The following ZNF385B variants were observed in gnomAD, a reference collection of about 807,000 sequenced individuals.
ZNF385B encodes zinc finger protein 533.
ZNF385B carries 23 observed loss-of-function variants against 39.2 expected under a neutral mutation model. The observed-to-expected ratio is 0.59, with a 90% CI of 0.42 to 0.83. The LOEUF (loss-of-function observed/expected upper bound fraction) is 0.83, where lower values mean the gene tolerates loss of function less well. Ranked by LOEUF, ZNF385B falls within the 40% of genes least tolerant of loss-of-function variation. The probability of loss-of-function intolerance (pLI) is 0.00; values close to 1 mark genes in which losing one functional copy is unlikely to be tolerated. For synonymous variants in ZNF385B, 205 were observed against 222.6 expected (o/e 0.92, Z 0.70); for missense variants, 552 against 598.9 (o/e 0.92, Z 0.82).
intron 1 of ZNF385B, among the ~76,000 whole-genome samples, chr2:179,778,512 A>G (rs1157993749): frequency 1.3e-5 from 2 of 152,206 alleles, no homozygotes; most frequent in Non-Finnish European, 2.9e-5. Flanking sequence ...GGATTCCTAC[A>G]AGACAGACCC....
chr2:179,849,359 C>T (rs1708962562), intron 1 of ZNF385B, among the ~76,000 whole-genome samples: 1 of 152,188 alleles, frequency 6.6e-6, no homozygotes, highest in East Asian at 1.9e-4. Context: ...AGGACTAGTT[C>T]CAGGTCACAC....
intron 1 of ZNF385B, among the ~76,000 whole-genome samples, chr2:179,777,783 T>A (rs79954581): frequency 1.3e-5 from 2 of 151,730 alleles, no homozygotes; most frequent in Non-Finnish European, 2.9e-5. Flanking sequence ...TTTTTTTTTT[T>A]TCTTTTTGGG....
At chr2:179,639,063 T>C (rs1692017419) in intron 3 of ZNF385B, among the ~76,000 whole-genome samples, 1 of 151,468 alleles carries the variant, frequency 6.6e-6, no homozygotes, top group African/African-American at 2.4e-5. Context: ...CTACAAAAAA[T>C]ACAAAAAATT....
chr2:179,704,878 C>T (rs187486641), intron 3 of ZNF385B, among the ~76,000 whole-genome samples: 1 of 152,224 alleles, frequency 6.6e-6, no homozygotes, highest in East Asian at 1.9e-4. Flanking sequence ...CAGACTATTC[C>T]TCTGTGCCCA....
intron 7 of ZNF385B, among the ~76,000 whole-genome samples, chr2:179,446,277 TG>T (rs2049463063): frequency 6.6e-6 from 1 of 152,180 alleles, no homozygotes; most frequent in Admixed American, 6.5e-5. Context: ...TTCATCAAAA[TG>T]AGTTTTGGAC....
chr2:179,678,234 C>A (rs1697125413), intron 3 of ZNF385B, among the ~76,000 whole-genome samples: 1 of 152,198 alleles, frequency 6.6e-6, no homozygotes, highest in Admixed American at 6.5e-5. Flanking sequence ...TTCCTCACAC[C>A]TACGCTCCTG....
chr2:179,621,726 G>A (rs967124569), intron 3 of ZNF385B, among the ~76,000 whole-genome samples: 4 of 152,046 alleles, frequency 2.6e-5, no homozygotes, highest in East Asian at 3.9e-4. Context: ...CTCCTCAGTC[G>A]CCCCTTTGGG....
At chr2:179,576,117 T>C (rs115028690) in intron 3 of ZNF385B, 2 of 985,070 alleles carry the variant, frequency 2.0e-6, no homozygotes, top group Admixed American at 6.2e-5. Context: ...AGGTCTTACA[T>C]GTGTAACCCT....
chr2:179,802,394 C>T (rs916937878), intron 1 of ZNF385B: 13 of 152,098 alleles, frequency 8.5e-5, no homozygotes, highest in African/African-American at 3.1e-4. Context: ...TTCCTTCCCC[C>T]TCTCAAATTC....
intron 1 of ZNF385B, among the ~76,000 whole-genome samples, chr2:179,779,597 C>T (rs1308377111): frequency 6.6e-6 from 1 of 152,204 alleles, no homozygotes; most frequent in Non-Finnish European, 1.5e-5. Context: ...TACAATTTTC[C>T]AGGCAAGAGA....
At position 179,828,371 on chromosome 2, in the gene ZNF385B, C is replaced by G. The variant is rs1325156309; in HGVS notation, c.-155+32730G>C. On this transcript the variant is annotated intron_variant, in intron 1 of 9. Transcript: ENST00000410066. Reference sequence around the variant, plus strand: ...ATCCAAATGCTAATCATTAAATTGCCCATTAATTCCTTCACCATGAGCCCA... The same window carrying G: ...ATCCAAATGCTAATCATTAAATTGCGCATTAATTCCTTCACCATGAGCCCA... Among the ~76,000 whole-genome samples, 3 of 152,098 alleles carry G rather than the reference C, an allele frequency of 2.0e-5. No homozygotes were observed. In the East Asian group the frequency reaches 5.8e-4, roughly 29 times the overall value.
intron 3 of ZNF385B, among the ~76,000 whole-genome samples, chr2:179,572,659 C>A (rs1685359679): frequency 6.6e-6 from 1 of 152,208 alleles, no homozygotes; most frequent in South Asian, 2.1e-4. Context: ...AAGGGCCTAT[C>A]ATGGAGAAAG....
At chr2:179,591,440 G>T (rs1211263707) in intron 3 of ZNF385B, among the ~76,000 whole-genome samples, 1 of 152,116 alleles carries the variant, frequency 6.6e-6, no homozygotes, top group Non-Finnish European at 1.5e-5. Context: ...CAGTATTACA[G>T]AACCCAGTGG....
chr2:179,855,769 G>A (rs574251682), intron 1 of ZNF385B, among the ~76,000 whole-genome samples: 2 of 152,298 alleles, frequency 1.3e-5, no homozygotes, highest in Admixed American at 1.3e-4. Context: ...TATGATTATG[G>A]TGATAAACAG....
intron 3 of ZNF385B, among the ~76,000 whole-genome samples, chr2:179,752,022 G>A (rs898456830): frequency 6.6e-6 from 1 of 151,984 alleles, no homozygotes; most frequent in Non-Finnish European, 1.5e-5. Flanking sequence ...TGCCATGTTC[G>A]TGTGCTGCAC....
intron 3 of ZNF385B, among the ~76,000 whole-genome samples, chr2:179,717,312 C>T (rs1008554154): frequency 5.3e-5 from 8 of 152,108 alleles, no homozygotes; most frequent in African/African-American, 1.9e-4. Flanking sequence ...AGGAGATAGA[C>T]ACCAATTTTC....
At chr2:179,661,815 C>T (rs550481385) in intron 3 of ZNF385B, among the ~76,000 whole-genome samples, 1 of 152,236 alleles carries the variant, frequency 6.6e-6, no homozygotes, top group Admixed American at 6.5e-5. Flanking sequence ...TGTGCATGAA[C>T]TTGTGTCATA....
rs557179787 is a variant in ZNF385B, at chr2:179,732,202, T to C, written c.298+37301A>G. Among the ~76,000 whole-genome samples, 55 of 152,334 alleles carry C rather than the reference T, an allele frequency of 3.6e-4. 1 individual carries two copies. The highest frequency in any genetic ancestry group is 1.1e-3 in the African/African-American group (47 of 41,584). On this transcript the variant is annotated intron_variant, in intron 3 of 9. Coordinates refer to ENST00000410066, the MANE Select transcript of ZNF385B (RefSeq NM_152520.6). ...AGAAAGATGGAAATTCACAGAATTT[T>C]AGAATTAGGTCAACTGATTGTGTCC...
intron 3 of ZNF385B, among the ~76,000 whole-genome samples, chr2:179,669,226 G>T (rs1346711062): frequency 6.6e-6 from 1 of 152,224 alleles, no homozygotes; most frequent in African/African-American, 2.4e-5. Context: ...GCTAGGGGAA[G>T]TTGAGGAGTG....
Sources: allele counts gnomAD v4.1 joint callset (sites outside exome capture counted in the v4.1 genomes callset), GRCh38; gene constraint gnomAD v4.1.1; transcripts MANE v1.5; gene names NCBI Gene and HGNC (gene_info 2026-07-23, HGNC 2026-07-21).